CERS6: variants seen among roughly 807,000 people sequenced by gnomAD.
CERS6 encodes the protein ceramide synthase 6.
Under a neutral mutation model 56.8 loss-of-function variants are expected in CERS6, and 26 were observed. That is an observed-to-expected ratio of 0.46 (90% confidence interval 0.34 to 0.63). The LOEUF (loss-of-function observed/expected upper bound fraction) is 0.63, where lower values mean the gene tolerates loss of function less well. Among genes scored for constraint, CERS6 ranks in the 30% least tolerant of loss-of-function variants. CERS6 has a pLI of 0.01. For synonymous variants in CERS6, 164 were observed against 173.3 expected, an observed-to-expected ratio of 0.95 and a Z score of 0.42; for missense variants, 415 against 467.5, an observed-to-expected ratio of 0.89 and a Z score of 1.04.
Position 168,769,359 on chromosome 2 carries a change from G to A in CERS6, c.1003-151G>A, listed in dbSNP as rs200356145. Reference sequence around the variant, plus strand: ...CTACATTTTATCTCTCCAATGAAGGGGAACTTATTGCTCTGGCAATGTTCT... The same window carrying A: ...CTACATTTTATCTCTCCAATGAAGGAGAACTTATTGCTCTGGCAATGTTCT... On this transcript the variant is annotated intron_variant, in intron 9 of 9. Coordinates refer to ENST00000305747, the MANE Select transcript of CERS6 (RefSeq NM_203463.3). The A allele has an allele frequency of 3.5e-4, 231 of 652,056 alleles. 1 individual carries two copies. In the East Asian group the frequency reaches 6.7e-3, roughly 19 times the overall value. The allele number at this position is 652,056 out of a possible 1,614,324, so 40.4% of individuals were successfully genotyped here.
rs1553503151 is a variant in CERS6, at chr2:168,645,116, AAT to A, written c.465+14100_465+14101del. ...AAAAAAAAAAAAAAAAAAAAAAAAAAATATATATATATATATATATATATATA... is the reference window on the plus strand; with the variant it reads ...AAAAAAAAAAAAAAAAAAAAAAAAAAATATATATATATATATATATATATA... On this transcript the variant is annotated intron_variant, in intron 4 of 9. Transcript: ENST00000305747. 1.1e-3 allele frequency among the ~76,000 whole-genome samples: 21 copies of A among 19,030 alleles called. 5 individuals carry two copies. Among genetic ancestry groups the A allele is most frequent in the Non-Finnish European group, 1.8e-3 (18 of 10,014 alleles). The allele number at this position is 19,030 out of a possible 152,430, so 12.5% of individuals were successfully genotyped here. A position where few individuals can be genotyped will look rare whatever the true frequency, so the allele number is the denominator to read the frequency against.
intron 3 of CERS6, among the ~76,000 whole-genome samples, chr2:168,620,734 A>C (rs1037278237): frequency 6.6e-6 from 1 of 150,406 alleles, no homozygotes; most frequent in East Asian, 2.0e-4. Flanking sequence ...GACACCAAGC[A>C]GGGTAATAGA....
At chr2:168,701,831 C>A (rs941495225) in intron 6 of CERS6, among the ~76,000 whole-genome samples, 1 of 151,818 alleles carries the variant, frequency 6.6e-6, no homozygotes. Context: ...CATAGCAAGA[C>A]CCTGTTGCTA....
intron 8 of CERS6, among the ~76,000 whole-genome samples, chr2:168,759,305 A>C (rs1684500187): frequency 6.6e-6 from 1 of 152,204 alleles, no homozygotes; most frequent in Non-Finnish European, 1.5e-5. Flanking sequence ...TGAGGGGTAT[A>C]ACCTGTAGAT....
intron 3 of CERS6, among the ~76,000 whole-genome samples, chr2:168,570,153 A>T (rs917156561): frequency 4.6e-5 from 7 of 152,180 alleles, no homozygotes; most frequent in African/African-American, 1.7e-4. Flanking sequence ...TTCTCAATTT[A>T]GGACGAAGCT....
intron 4 of CERS6, among the ~76,000 whole-genome samples, chr2:168,638,038 G>A (rs1684902510): frequency 6.7e-6 from 1 of 150,222 alleles, no homozygotes; most frequent in East Asian, 1.9e-4. Flanking sequence ...CATTTAAATG[G>A]TGAAGAAATA....
intron 8 of CERS6, among the ~76,000 whole-genome samples, chr2:168,741,373 T>TAAAAAAAAAAAAAA (rs200311434): frequency 1.4e-5 from 2 of 147,080 alleles, no homozygotes; most frequent in African/African-American, 2.5e-5. Context: ...TTTGGAGAAT[T>TAAAAAAAAAAAAAA]AAAAAAAAAA....
intron 4 of CERS6, among the ~76,000 whole-genome samples, chr2:168,645,630 A>G (rs112040664): frequency 4.6e-5 from 7 of 152,162 alleles, no homozygotes; most frequent in African/African-American, 2.4e-5. Context: ...AGATTATTTC[A>G]TCACCCAGGT....
intron 5 of CERS6, among the ~76,000 whole-genome samples, chr2:168,694,478 A>T (rs1686589056): frequency 6.6e-6 from 1 of 152,182 alleles, no homozygotes; most frequent in African/African-American, 2.4e-5. Flanking sequence ...TGTACTGAAC[A>T]TTTTTTTCTA....
chr2:168,458,638 G>GGC (rs1248889613), intron 1 of CERS6, among the ~76,000 whole-genome samples: 1 of 152,168 alleles, frequency 6.6e-6, no homozygotes, highest in African/African-American at 2.4e-5. Context: ...GTTTCCTTCA[G>GGC]GCCATTGATC....
chr2:168,762,840 A>T (rs1306870663), intron 8 of CERS6, among the ~76,000 whole-genome samples: 1 of 152,032 alleles, frequency 6.6e-6, no homozygotes, highest in African/African-American at 2.4e-5. Flanking sequence ...GGTGGGGAAG[A>T]ACCTATTTGT....
intron 8 of CERS6, among the ~76,000 whole-genome samples, chr2:168,764,205 C>T (rs10469699): frequency 0.024 from 3,665 of 152,128 alleles, 151 homozygotes; most frequent in African/African-American, 0.083. Context: ...TGCAGTGGCA[C>T]GATCTCTGCT....
At chr2:168,520,175 A>T (rs113399546) in intron 1 of CERS6, among the ~76,000 whole-genome samples, 1,927 of 152,108 alleles carry the variant, frequency 0.013, 35 homozygotes, top group African/African-American at 0.043. Flanking sequence ...CATTTCTCTG[A>T]TGATTAGTGA....
chr2:168,485,627 T>C (rs527683871), intron 1 of CERS6, among the ~76,000 whole-genome samples: 14 of 152,312 alleles, frequency 9.2e-5, no homozygotes, highest in African/African-American at 3.4e-4. Context: ...TTTCCTTCTT[T>C]CACTTTAGCA....
rs35721288 is a variant in CERS6, at chr2:168,638,429, CA to C, written c.465+7398del. On this transcript the variant is annotated intron_variant, in intron 4 of 9. Coordinates refer to ENST00000305747, the MANE Select transcript of CERS6 (RefSeq NM_203463.3). ...CTGATTTGACCATTGCACATCGTAT[CA>C]AAAAAAAAAAGTATCAAAAATAAAA... 1.5e-3 allele frequency among the ~76,000 whole-genome samples: 214 copies of C among 147,086 alleles called. 3 individuals carry two copies. Among genetic ancestry groups the C allele is most frequent in the African/African-American group, 4.3e-3 (169 of 39,756 alleles).
chr2:168,741,354 A>G (rs1436217394), intron 8 of CERS6, among the ~76,000 whole-genome samples: 2 of 141,656 alleles, frequency 1.4e-5, no homozygotes, highest in Non-Finnish European at 3.0e-5. Context: ...AGGCAGTTAT[A>G]TGTATGGATT....
At position 168,559,734 on chromosome 2, in the gene CERS6, C is replaced by CAT. The variant is rs1491336787; in HGVS notation, c.277-1439_277-1438dup. ...GCTTGAGCTGCTTTTAGAAAGGTAT[C>CAT]ATATATATATATATATATATTTCAC... On this transcript the variant is annotated intron_variant, in intron 2 of 9. Transcript: ENST00000305747. 5.3e-4 allele frequency among the ~76,000 whole-genome samples: 45 copies of CAT among 85,478 alleles called. 8 individuals are homozygous for CAT. The highest frequency in any genetic ancestry group is 1.1e-3 in the Non-Finnish European group (43 of 40,238). The allele number at this position is 85,478 out of a possible 152,430, so 56.1% of individuals were successfully genotyped here. A position where few individuals can be genotyped will look rare whatever the true frequency, so the allele number is the denominator to read the frequency against.
intron 4 of CERS6, among the ~76,000 whole-genome samples, chr2:168,666,623 G>A (rs1490628800): frequency 3.9e-5 from 6 of 152,176 alleles, no homozygotes; most frequent in East Asian, 1.9e-4. Context: ...TCATGTGGGC[G>A]TGAGTCTTCA....
chr2:168,769,846 T>C lies in CERS6; in HGVS notation c.*184T>C. 1.7e-6 allele frequency: 1 copy of C among 604,292 alleles called. No individual in the cohort carries two copies. Among genetic ancestry groups the C allele is most frequent in the Non-Finnish European group, 2.9e-6 (1 of 350,544 alleles). The allele number at this position is 604,292 out of a possible 1,614,324, so 37.4% of individuals were successfully genotyped here. A position where few individuals can be genotyped will look rare whatever the true frequency, so the allele number is the denominator to read the frequency against. On this transcript the variant is annotated 3_prime_UTR_variant, in exon 10 of 10. Transcript: ENST00000305747. The stretch of plus-strand genomic sequence containing the variant: ...TGAATGAAGAAGAATTACCATTCTC[T>C]CTTTGTAGGCATGCTGTATGTAATT...
Sources: gnomAD v4.1 joint callset for allele counts (sites outside exome capture counted in the v4.1 genomes callset) on GRCh38, gnomAD v4.1.1 for gene constraint, MANE v1.5 for transcripts, NCBI Gene and HGNC (gene_info 2026-07-23, HGNC 2026-07-21) for gene names.